DLG5: variants seen among roughly 807,000 people sequenced by gnomAD.
The protein encoded by DLG5 is disks large homolog 5.
DLG5 carries 48 observed loss-of-function variants against 189.8 expected under a neutral mutation model. The observed-to-expected ratio is 0.25, with a 90% CI of 0.20 to 0.32. The LOEUF is 0.32. DLG5 is among the 10% of genes least tolerant of loss of function. The pLI is 1.00. For synonymous variants in DLG5, 1,016 were observed against 1,054.1 expected (o/e 0.96, Z 0.70); for missense variants, 2,160 against 2,544.7 (o/e 0.85, Z 3.25).
Position 77,806,746 on chromosome 10 carries a change from G to A in DLG5, c.4967+12C>T, listed in dbSNP as rs754859256. On this transcript the variant is annotated intron_variant, in intron 26 of 31. Transcript: ENST00000372391. ...CCTGCCCCACCCCACCCCAGGCCCG[G>A]AGAACACTTACACATATTTGCTGGG... is the stretch of plus-strand genomic sequence containing the variant. 9 of 1,338,026 alleles carry A rather than the reference G, an allele frequency of 6.7e-6. No individual in the cohort carries two copies. Among genetic ancestry groups the A allele is most frequent in the Non-Finnish European group, 9.4e-6 (9 of 955,946 alleles). The allele number at this position is 1,338,026 out of a possible 1,614,324, so 82.9% of individuals were successfully genotyped here. A position where few individuals can be genotyped will look rare whatever the true frequency, so the allele number is the denominator to read the frequency against.
chr10:77,919,195 G>A (rs1406177165), intron 1 of DLG5, among the ~76,000 whole-genome samples: 2 of 151,848 alleles, frequency 1.3e-5, no homozygotes, highest in East Asian at 1.9e-4. Flanking sequence ...CAGCCTGGGC[G>A]ACAGAGCAAG....
rs1024773327 is a variant in DLG5, at chr10:77,884,211, C to T, written c.305-15014G>A. 5.3e-5 allele frequency among the ~76,000 whole-genome samples: 8 copies of T among 152,112 alleles called. No homozygotes were observed. In the East Asian group the frequency reaches 1.5e-3, roughly 29 times the overall value. On this transcript the variant is annotated intron_variant, in intron 1 of 31. Coordinates refer to ENST00000372391, the MANE Select transcript of DLG5 (RefSeq NM_004747.4). ...GCCACACCAAATGCTAGGGAGGACTCGGAAGCAAAGAAACTTCTGATCTGG... is the reference window on the plus strand; with the variant it reads ...GCCACACCAAATGCTAGGGAGGACTTGGAAGCAAAGAAACTTCTGATCTGG...
chr10:77,824,534 T>G, intron 13 of DLG5, 58 bp from the exon 14 acceptor site: 1 of 1,375,544 alleles, frequency 7.3e-7, no homozygotes, highest in Non-Finnish European at 1.0e-6. Context: ...GGCCTACCAG[T>G]CAGGATCTCT....
At chr10:77,847,333 C>A (rs1454526962) in intron 5 of DLG5, among the ~76,000 whole-genome samples, 1 of 152,082 alleles carries the variant, frequency 6.6e-6, no homozygotes. Flanking sequence ...TCGTGCTCAC[C>A]GGGAGCTACT....
intron 2 of DLG5, among the ~76,000 whole-genome samples, chr10:77,865,879 C>A (rs1298906538): frequency 5.3e-5 from 8 of 152,262 alleles, no homozygotes; most frequent in Non-Finnish European, 1.5e-5. Context: ...CGAGACCCGA[C>A]AGACCGCCTG....
chr10:77,899,394 C>T (rs1309208009), intron 1 of DLG5, among the ~76,000 whole-genome samples: 1 of 152,250 alleles, frequency 6.6e-6, no homozygotes, highest in Non-Finnish European at 1.5e-5. Flanking sequence ...AGGATTCCAA[C>T]AGCCAAGGGC....
intron 3 of DLG5, among the ~76,000 whole-genome samples, chr10:77,855,611 C>T (rs373086381): frequency 1.3e-5 from 2 of 152,220 alleles, no homozygotes; most frequent in African/African-American, 2.4e-5. Context: ...GCAGTGGGCC[C>T]GTGGGCCATA....
At position 77,881,065 on chromosome 10, in the gene DLG5, C is replaced by T. The variant is rs557461638; in HGVS notation, c.305-11868G>A. 1.2e-4 allele frequency among the ~76,000 whole-genome samples: 18 copies of T among 147,084 alleles called. No homozygotes were observed. The South Asian group carries it at 2.4e-3, about 20-fold the overall frequency. ...TCAGCTCACTGCAACCTTCATCTCC[C>T]GGGTCCAAGTGATTCTCCTGCCTCA... On this transcript the variant is annotated intron_variant, in intron 1 of 31. Transcript: ENST00000372391.
chr10:77,925,045 A>G lies in DLG5; in HGVS notation c.304+1172T>C, dbSNP rs540266006. Among the ~76,000 whole-genome samples, 4 of 152,258 alleles carry G rather than the reference A, an allele frequency of 2.6e-5. 1 individual carries two copies. The highest frequency in any genetic ancestry group is 9.6e-5 in the African/African-American group (4 of 41,536). The stretch of plus-strand genomic sequence containing the variant: ...GTTCACTTGTTTTTCTTTTATACAT[A>G]TATCCTTATTTATTTTTACTGTACC... On this transcript the variant is annotated intron_variant, in intron 1 of 31. Coordinates refer to ENST00000372391, the MANE Select transcript of DLG5 (RefSeq NM_004747.4).
intron 5 of DLG5, among the ~76,000 whole-genome samples, chr10:77,845,666 G>C (rs114961533): frequency 1.3e-5 from 2 of 151,764 alleles, no homozygotes; most frequent in Non-Finnish European, 2.9e-5. Flanking sequence ...AAAGGGAAAG[G>C]AGGGAGGGAG....
At chr10:77,927,863 C>G (rs1388252244), upstream of DLG5, 1 of 152,226 alleles carries the variant, frequency 6.6e-6, no homozygotes, top group Admixed American at 6.6e-5. Flanking sequence ...TGACTGCGCT[C>G]AGTGATCCCG....
At chr10:77,864,782 T>C (rs547696052) in intron 2 of DLG5, among the ~76,000 whole-genome samples, 14 of 152,330 alleles carry the variant, frequency 9.2e-5, no homozygotes, top group African/African-American at 3.4e-4. Flanking sequence ...TCCTTGACAA[T>C]GAAGGCCTAA....
intron 15 of DLG5, 175 bp downstream of exon 15, chr10:77,820,907 C>A: frequency 1.3e-6 from 1 of 741,288 alleles, no homozygotes; most frequent in Non-Finnish European, 2.1e-6. Context: ...TGCACTTCCA[C>A]GCCACTTACC....
intron 2 of DLG5, among the ~76,000 whole-genome samples, chr10:77,864,114 T>C (rs1844579823): frequency 6.6e-6 from 1 of 152,126 alleles, no homozygotes; most frequent in African/African-American, 2.4e-5. Context: ...CTGGCTGCTA[T>C]GGTCACCACC....
intron 1 of DLG5, among the ~76,000 whole-genome samples, chr10:77,874,490 C>T (rs1845022797): frequency 6.6e-6 from 1 of 152,214 alleles, no homozygotes; most frequent in Non-Finnish European, 1.5e-5. Flanking sequence ...CCACACCTGA[C>T]CTCATGTGAT....
intron 1 of DLG5, among the ~76,000 whole-genome samples, chr10:77,874,146 G>A (rs1213758541): frequency 1.3e-5 from 2 of 152,250 alleles, no homozygotes; most frequent in African/African-American, 4.8e-5. Flanking sequence ...CAAGCCAGGG[G>A]CTCAAGAGCC....
intron 1 of DLG5, among the ~76,000 whole-genome samples, chr10:77,880,833 G>C (rs550968923): frequency 2.6e-5 from 4 of 152,194 alleles, no homozygotes; most frequent in African/African-American, 9.6e-5. Context: ...TACAAGGTGG[G>C]CCACTATCAA....
At chr10:77,845,509 AG>A (rs1327746102) in intron 5 of DLG5, 2 of 152,234 alleles carry the variant, frequency 1.3e-5, no homozygotes, top group Non-Finnish European at 2.9e-5. Flanking sequence ...GCAACAAGAA[AG>A]TAAGGTCTTC....
intron 31 of DLG5, chr10:77,793,145 A>T (rs1454510680): frequency 6.6e-6 from 1 of 152,384 alleles, no homozygotes; most frequent in African/African-American, 2.4e-5. Context: ...TGAATCTAAC[A>T]AGAAAAAAAT....
Sources: allele counts gnomAD v4.1 joint callset (sites outside exome capture counted in the v4.1 genomes callset), GRCh38; gene constraint gnomAD v4.1.1; transcripts MANE v1.5; gene names NCBI Gene and HGNC (gene_info 2026-07-23, HGNC 2026-07-21).